Variants in EPHA2 observed in about 807,000 individuals in gnomAD.
EPHA2 encodes the protein EPH receptor A2.
Under a neutral mutation model 104.9 loss-of-function variants are expected in EPHA2, and 54 were observed. The ratio of observed to expected loss-of-function variants is 0.51; its 90% confidence interval spans 0.41 to 0.65. EPHA2 has a LOEUF of 0.65. Ranked by LOEUF, EPHA2 falls within the 30% of genes least tolerant of loss-of-function variation. The probability of loss-of-function intolerance (pLI) is 0.00; values close to 1 mark genes in which losing one functional copy is unlikely to be tolerated. For synonymous variants in EPHA2, 560 were observed against 559.1 expected, an observed-to-expected ratio of 1.00 and a Z score of -0.02; for missense variants, 1,117 against 1,369.5, an observed-to-expected ratio of 0.82 and a Z score of 2.91.
At chr1:16,149,651 C>T (rs2025000561) in intron 2 of EPHA2, among the ~76,000 whole-genome samples, 2 of 152,168 alleles carry the variant, frequency 1.3e-5, no homozygotes, top group Non-Finnish European at 1.5e-5. Flanking sequence ...AAAGAATTCC[C>T]AGGTTAGGCT....
In EPHA2 at chr1:16,148,822, C is replaced by T; in HGVS notation, c.379G>A (p.Asp127Asn). Residue 127 changes from aspartate (D) to asparagine (N), a missense_variant, in exon 3 of 17, where the codon GAC becomes AAC. Around this residue, in one of 3 missense-constraint regions of EPHA2, gnomAD observed 664 missense variants for 784.8 expected, o/e 0.85. Coordinates refer to ENST00000358432, the MANE Select transcript of EPHA2 (RefSeq NM_004431.5). The surrounding 1 kb of genome is among the most constrained non-coding windows in gnomAD (Gnocchi z 4.9). ...TGGAAGTTGGTGCCGTAGTCCAGGTCCGACTCGGCATAGTAGAGGTTGAAA... is the reference window on the plus strand; with the variant it reads ...TGGAAGTTGGTGCCGTAGTCCAGGTTCGACTCGGCATAGTAGAGGTTGAAA... ...ETFNLYYAES[D>N]LDYGTNFQKR... The T allele has an allele frequency of 6.2e-7, 1 of 1,614,158 alleles. No individual in the cohort carries two copies. The highest frequency in any genetic ancestry group is 1.1e-5 in the South Asian group (1 of 91,080).
rs577470360 is a variant in EPHA2 at position 16,125,289 on chromosome 1, C to T, written c.2857G>A (p.Gly953Ser). The T allele has an allele frequency of 4.6e-6, 7 of 1,512,480 alleles. No homozygotes were observed. The highest frequency in any genetic ancestry group is 2.2e-5 in the South Asian group (2 of 89,736). 93.7% of individuals were successfully genotyped at this position (1,512,480 alleles called of 1,614,324 possible). The change falls in exon 17 of 17, where the codon GGC becomes AGC. Residue 953 changes from glycine (G) to serine (S), a missense_variant. Physicochemically the swap from Gly to Ser is moderately conservative, Grantham distance 56 (BLOSUM62 0). This residue lies in a region of EPHA2 where 340 missense variants were observed against 480.5 expected (regional missense o/e 0.71). Transcript: ENST00000358432. The surrounding 1 kb of genome is among the most constrained non-coding windows in gnomAD (Gnocchi z 4.9). Reference sequence around the variant, plus strand: ...CTGTAGGCGATGCGCTTCTGGTGGCCGGGCAGCCGCACCCCAATCCTCTTG... The same window carrying T: ...CTGTAGGCGATGCGCTTCTGGTGGCTGGGCAGCCGCACCCCAATCCTCTTG... ...DIKRIGVRLP[G>S]HQKRIAYSLL... is the part of the protein sequence containing the mutation.
intron 5 of EPHA2, among the ~76,000 whole-genome samples, chr1:16,136,388 G>A (rs1322176853): frequency 6.6e-6 from 1 of 151,170 alleles, no homozygotes; most frequent in Non-Finnish European, 1.5e-5. Flanking sequence ...GGGAGGCCGA[G>A]GCGGGAGGAT....
chr1:16,138,352 G>T lies in EPHA2; in HGVS notation c.902C>A (p.Pro301His). Residue 301 changes from proline to histidine, a missense_variant, in exon 4 of 17, where the codon CCT becomes CAT. Pro to His is a moderately conservative substitution (Grantham distance 77). Coordinates refer to ENST00000358432, the MANE Select transcript of EPHA2 (RefSeq NM_004431.5). ...LECPEHTLPSPEGATSCECEE... is the reference protein window; with the variant it reads ...LECPEHTLPSHEGATSCECEE... ...ACACTCGCAGGAGGTGGCACCCTCA[G>T]GGGATGGCAGCGTGTGCTCAGGGCA... 2 of 1,613,910 alleles carry T rather than the reference G, an allele frequency of 1.2e-6. No homozygotes were observed. Among genetic ancestry groups the T allele is most frequent in the Non-Finnish European group, 1.7e-6 (2 of 1,179,998 alleles).
chr1:16,148,721 G>A lies in EPHA2; in HGVS notation c.480C>T (p.His160=), dbSNP rs144939632. The change falls in exon 3 of 17, where the codon CAC becomes CAT. Residue 160 remains histidine, a synonymous_variant. Transcript: ENST00000358432. The surrounding 1 kb of genome is among the most constrained non-coding windows in gnomAD (Gnocchi z 4.9). ...AGCGCTCCTCCACGTTCAGCTTCAC[G>A]TGGCGTGCCTCGAAGTCGCTGCTGA... ...ITVSSDFEAR[H]VKLNVEERSV... The A allele has an allele frequency of 1.4e-4, 228 of 1,613,594 alleles. No homozygotes were observed. Among genetic ancestry groups the A allele is most frequent in the African/African-American group, 2.5e-4 (19 of 75,078 alleles).
rs1366051537 is a variant in EPHA2 at position 16,138,435 on chromosome 1, T to C, written c.824-5A>G. 6 of 1,613,304 alleles carry C rather than the reference T, an allele frequency of 3.7e-6. No homozygotes were observed. Among genetic ancestry groups the C allele is most frequent in the South Asian group, 2.2e-5 (2 of 91,086 alleles). ...TAAAAAATCCAGGCGAGCAGGCTGG[T>C]GGACACAGGACAGACAGAGCACAAG... On this transcript the variant is annotated splice_region_variant and splice_polypyrimidine_tract_variant and intron_variant, in intron 3 of 16. Coordinates refer to ENST00000358432, the MANE Select transcript of EPHA2 (RefSeq NM_004431.5).
Position 16,135,198 on chromosome 1 carries a change from G to T in EPHA2, c.1429-9C>A. 3.1e-6 allele frequency: 5 copies of T among 1,613,450 alleles called. No individual in the cohort carries two copies. The South Asian group carries it at 5.5e-5, about 18-fold the overall frequency. On this transcript the variant is annotated splice_polypyrimidine_tract_variant and intron_variant, in intron 6 of 16. Coordinates refer to ENST00000358432, the MANE Select transcript of EPHA2 (RefSeq NM_004431.5). This position sits in a 1 kb window ranked among gnomAD's most constrained non-coding sequence, Gnocchi z 4.3. ...TAGCTGTTGGAGTCTCCCTGTGGGT[G>T]GGTGGCCGGCGGAGGAGCAGGCAGT...
At position 16,132,262 on chromosome 1, in the gene EPHA2, G is replaced by A. The variant is rs140708366; in HGVS notation, c.2127C>T (p.Gly709=). 13 of 1,613,972 alleles carry A rather than the reference G, an allele frequency of 8.1e-6. No homozygotes were observed. Among genetic ancestry groups the A allele is most frequent in the Middle Eastern group, 1.6e-4 (1 of 6,084 alleles). Residue 709 remains glycine (G), a synonymous_variant, in exon 13 of 17, where the codon GGC becomes GGT. Transcript: ENST00000358432. ...ALDKFLREKD[G]EFSVLQLVGM... is the part of the protein sequence containing the mutation. ...CCACCAGCTGCAGCACGCTGAACTC[G>A]CCATCCTTCTCCTGCCGGAGCACAG...
chr1:16,154,147 C>G (rs543614427), intron 1 of EPHA2, among the ~76,000 whole-genome samples: 23 of 152,228 alleles, frequency 1.5e-4, no homozygotes, highest in African/African-American at 5.3e-4. Flanking sequence ...AATCCCCCAC[C>G]CCCCCATGGG....
intron 3 of EPHA2, among the ~76,000 whole-genome samples, chr1:16,143,031 G>A (rs1377635833): frequency 2.0e-4 from 27 of 137,372 alleles, no homozygotes; most frequent in Non-Finnish European, 4.2e-4. Flanking sequence ...ATAGGTGGGT[G>A]GTTGGGTGGA....
In EPHA2 at chr1:16,135,021, G is replaced by A. The variant is rs1418470422; in HGVS notation, c.1582+15C>T. ...GGGCCCTGGCCTGGTCCATGCCCAGGGTCCCCCAACTCACACAGCGTCTGG... is the reference window on the plus strand; with the variant it reads ...GGGCCCTGGCCTGGTCCATGCCCAGAGTCCCCCAACTCACACAGCGTCTGG... On this transcript the variant is annotated intron_variant, in intron 7 of 16. Coordinates refer to ENST00000358432, the MANE Select transcript of EPHA2 (RefSeq NM_004431.5). The surrounding 1 kb of genome is among the most constrained non-coding windows in gnomAD (Gnocchi z 4.3). 6.2e-7 allele frequency: 1 copy of A among 1,610,918 alleles called. No individual in the cohort carries two copies. The highest frequency in any genetic ancestry group is 8.5e-7 in the Non-Finnish European group (1 of 1,179,994).
chr1:16,133,660 G>T lies in EPHA2; in HGVS notation c.1739-54C>A, dbSNP rs1339896771. On this transcript the variant is annotated intron_variant, in intron 9 of 16. Coordinates refer to ENST00000358432, the MANE Select transcript of EPHA2 (RefSeq NM_004431.5). ...CAGCTCAGGAGGGGCCCCATGGGGGGTGCTCTGGAGTCAGAGGAGAAGGTC... is the reference window on the plus strand; with the variant it reads ...CAGCTCAGGAGGGGCCCCATGGGGGTTGCTCTGGAGTCAGAGGAGAAGGTC... 3.1e-5 allele frequency: 50 copies of T among 1,609,536 alleles called. No individual in the cohort carries two copies. The South Asian group carries it at 5.1e-4, about 16-fold the overall frequency.
intron 3 of EPHA2, among the ~76,000 whole-genome samples, chr1:16,146,166 G>A (rs1483464218): frequency 3.9e-5 from 6 of 152,198 alleles, no homozygotes; most frequent in Admixed American, 2.0e-4. Context: ...ATTTTGGTGG[G>A]AGGATCCCGA....
At chr1:16,136,702 GAAGAAGAAGAAAA>G (rs2024702922) in intron 5 of EPHA2, among the ~76,000 whole-genome samples, 1 of 84,164 alleles carries the variant, frequency 1.2e-5, no homozygotes, top group African/African-American at 9.3e-5. Context: ...GGAAGAAGAA[GAAGAAGAAGAAAA>G]GAAGAAGAAG....
At chr1:16,143,344 G>A (rs2024864513) in intron 3 of EPHA2, among the ~76,000 whole-genome samples, 1 of 152,000 alleles carries the variant, frequency 6.6e-6, no homozygotes, top group Admixed American at 6.5e-5. Context: ...CCAGAGAAAT[G>A]AGCAGTGTTT....
In EPHA2 at chr1:16,135,846, CG is replaced by C; in HGVS notation, c.1313-77del. 1 of 741,148 alleles carries C rather than the reference CG, an allele frequency of 1.3e-6. No homozygotes were observed. The highest frequency in any genetic ancestry group is 2.5e-6 in the Non-Finnish European group (1 of 405,010). 45.9% of individuals were successfully genotyped at this position (741,148 alleles called of 1,614,324 possible). A position where few individuals can be genotyped will look rare whatever the true frequency, so the allele number is the denominator to read the frequency against. Reference sequence around the variant, plus strand: ...GGCAGGGTTTGGGGGGACAAGTGGACGTGGAGCCACATCCTCCACAGCCCAG... The same window carrying C: ...GGCAGGGTTTGGGGGGACAAGTGGACTGGAGCCACATCCTCCACAGCCCAG... On this transcript the variant is annotated intron_variant, in intron 5 of 16. Coordinates refer to ENST00000358432, the MANE Select transcript of EPHA2 (RefSeq NM_004431.5). The surrounding 1 kb of genome is among the most constrained non-coding windows in gnomAD (Gnocchi z 4.3).
In EPHA2 at chr1:16,148,396, C is replaced by G. The variant is rs372873218; in HGVS notation, c.805G>C (p.Val269Leu). Residue 269 changes from valine (V) to leucine (L), a missense_variant, in exon 3 of 17, where the codon GTG (valine) becomes CTG (leucine). Coordinates refer to ENST00000358432, the MANE Select transcript of EPHA2 (RefSeq NM_004431.5). The surrounding 1 kb of genome is among the most constrained non-coding windows in gnomAD (Gnocchi z 4.9). ...CACTCACCCTGGCAGGCATCCTCCA[C>G]CTTCTCGTAGCCTGCCTGGCACAGG... ...QCLCQAGYEK[V>L]EDACQACSPG... The G allele has an allele frequency of 3.1e-6, 5 of 1,613,658 alleles. No individual in the cohort carries two copies. In the African/African-American group the frequency reaches 6.7e-5, roughly 22 times the overall value.
rs1444195503 is a variant in EPHA2, at chr1:16,134,427, A to G, written c.1682+41T>C. Reference sequence around the variant, plus strand: ...ATGGAGGTTCCTGCCCCATTTTCCCACCCAAGCCCATGTGGAGCCAGGGTA... The same window carrying G: ...ATGGAGGTTCCTGCCCCATTTTCCCGCCCAAGCCCATGTGGAGCCAGGGTA... On this transcript the variant is annotated intron_variant, in intron 8 of 16. Coordinates refer to ENST00000358432, the MANE Select transcript of EPHA2 (RefSeq NM_004431.5). This position sits in a 1 kb window ranked among gnomAD's most constrained non-coding sequence, Gnocchi z 4.5. 1 of 1,602,878 alleles carries G rather than the reference A, an allele frequency of 6.2e-7. No individual in the cohort carries two copies. Among genetic ancestry groups the G allele is most frequent in the Non-Finnish European group, 8.5e-7 (1 of 1,170,446 alleles).
In EPHA2 at chr1:16,135,913, C is replaced by A. The variant is rs1010440568; in HGVS notation, c.1313-143G>T. ...TGAGACAGGATCTCGCTCTCTCACC[C>A]AGGCTCGAGTGCAGTGGCATGATCT... On this transcript the variant is annotated intron_variant, in intron 5 of 16. Transcript: ENST00000358432. This position sits in a 1 kb window ranked among gnomAD's most constrained non-coding sequence, Gnocchi z 4.3. 2 of 611,162 alleles carry A rather than the reference C, an allele frequency of 3.3e-6. No homozygotes were observed. Among genetic ancestry groups the A allele is most frequent in the Non-Finnish European group, 6.0e-6 (2 of 335,860 alleles). 37.9% of individuals were successfully genotyped at this position (611,162 alleles called of 1,614,324 possible).
Sources: gnomAD v4.1 joint callset for allele counts (sites outside exome capture counted in the v4.1 genomes callset) on GRCh38, gnomAD v4.1.1 for gene constraint, gnomAD v4.1.1 regional missense constraint, Gnocchi (gnomAD v3.1) non-coding constraint, MANE v1.5 for transcripts, NCBI Gene and HGNC (gene_info 2026-07-23, HGNC 2026-07-21) for gene names.